DIAPH3: variants seen among roughly 807,000 people sequenced by gnomAD.
DIAPH3 encodes diaphanous related formin 3.
DIAPH3 carries 117 observed loss-of-function variants against 144.3 expected under a neutral mutation model. The ratio of observed to expected loss-of-function variants is 0.81; its 90% CI spans 0.70 to 0.95. The LOEUF is 0.95. Ranked by LOEUF, DIAPH3 falls within the 40% of genes least tolerant of loss-of-function variation. The pLI, the probability that DIAPH3 is intolerant of heterozygous loss-of-function variation, is 0.00. For missense variants in DIAPH3, 1,421 were observed against 1,412.7 expected (o/e 1.01, Z -0.09); for synonymous variants, 519 against 488.9 (o/e 1.06, Z -0.81).
At chr13:60,099,690 A>G (rs2058209653) in intron 3 of DIAPH3, among the ~76,000 whole-genome samples, 1 of 152,182 alleles carries the variant, frequency 6.6e-6, no homozygotes, top group Non-Finnish European at 1.5e-5. Flanking sequence ...CCGAGTTGCA[A>G]CAGCAAAAAA....
chr13:60,031,988 G>A (rs1357206792), intron 5 of DIAPH3, among the ~76,000 whole-genome samples: 4 of 151,952 alleles, frequency 2.6e-5, no homozygotes, highest in African/African-American at 7.2e-5. Context: ...ATGATCCACC[G>A]CCTTGGCCTT....
intron 27 of DIAPH3, among the ~76,000 whole-genome samples, chr13:59,705,945 G>C (rs1474869727): frequency 1.3e-5 from 2 of 151,356 alleles, no homozygotes; most frequent in Admixed American, 1.3e-4. Context: ...ATAATACTTT[G>C]GTTTTCCTCA....
rs1165739891 is a variant in DIAPH3 at position 60,031,732 on chromosome 13, CTTTTTTTTTTTT to C, written c.626+10946_626+10957del. Among the ~76,000 whole-genome samples the C allele has an allele frequency of 6.9e-3, 448 of 64,694 alleles. 13 individuals are homozygous for C. Among genetic ancestry groups the C allele is most frequent in the African/African-American group, 0.028 (432 of 15,176 alleles). 42.4% of individuals were successfully genotyped at this position (64,694 alleles called of 152,430 possible). A position where few individuals can be genotyped will look rare whatever the true frequency, so the allele number is the denominator to read the frequency against. On this transcript the variant is annotated intron_variant, in intron 5 of 27. Coordinates refer to ENST00000400324, the MANE Select transcript of DIAPH3 (RefSeq NM_001042517.2). ...AAACCCAGTAGGGCAGTCATTAAATCTTTTTTTTTTTTTTTTTTTTTTTTTTTTGAGATGGGG... is the reference window on the plus strand; with the variant it reads ...AAACCCAGTAGGGCAGTCATTAAATCTTTTTTTTTTTTTTTTGAGATGGGG...
chr13:59,871,717 G>A (rs1056242639), intron 21 of DIAPH3, among the ~76,000 whole-genome samples: 4 of 152,102 alleles, frequency 2.6e-5, no homozygotes, highest in African/African-American at 4.8e-5. Context: ...GAATTTACTG[G>A]TGAAACCATC....
At chr13:59,992,327 C>A (rs911691840) in intron 10 of DIAPH3, 141 bp from the exon 11 acceptor site, 2 of 1,006,448 alleles carry the variant, frequency 2.0e-6, no homozygotes, top group Non-Finnish European at 3.0e-6. Flanking sequence ...ACACTCGAAT[C>A]TTATCATCTA....
intron 27 of DIAPH3, among the ~76,000 whole-genome samples, chr13:59,765,449 C>T (rs1291328468): frequency 6.6e-6 from 1 of 152,204 alleles, no homozygotes; most frequent in East Asian, 1.9e-4. Context: ...GTCTTCCTAA[C>T]AGCCTATGAA....
chr13:59,741,098 A>C (rs2036418428), intron 27 of DIAPH3, among the ~76,000 whole-genome samples: 2 of 152,232 alleles, frequency 1.3e-5, no homozygotes, highest in African/African-American at 4.8e-5. Flanking sequence ...GTTACTCCTG[A>C]CAAGACAAAC....
At chr13:59,797,956 A>C (rs1370676960) in intron 25 of DIAPH3, among the ~76,000 whole-genome samples, 1 of 152,180 alleles carries the variant, frequency 6.6e-6, no homozygotes, top group African/African-American at 2.4e-5. Context: ...ACCCTATGCC[A>C]GGCCCATTCA....
chr13:59,794,212 T>C (rs975298007), intron 25 of DIAPH3, among the ~76,000 whole-genome samples: 4 of 152,180 alleles, frequency 2.6e-5, no homozygotes, highest in African/African-American at 9.7e-5. Flanking sequence ...ACTTAAAATA[T>C]TTCCAAATTA....
intron 21 of DIAPH3, among the ~76,000 whole-genome samples, chr13:59,875,803 A>C (rs1264534998): frequency 6.6e-6 from 1 of 152,128 alleles, no homozygotes; most frequent in Admixed American, 6.6e-5. Flanking sequence ...TGTCACATGA[A>C]ATCTTTGGGA....
intron 27 of DIAPH3, among the ~76,000 whole-genome samples, chr13:59,738,713 A>G (rs946904489): frequency 1.3e-5 from 2 of 152,226 alleles, no homozygotes; most frequent in African/African-American, 4.8e-5. Context: ...ACTCCTTCAC[A>G]TAACAGCTTG....
chr13:59,762,016 G>GAGAGAAC (rs879376771), intron 27 of DIAPH3, among the ~76,000 whole-genome samples: 1 of 146,522 alleles, frequency 6.8e-6, no homozygotes, highest in African/African-American at 2.5e-5. Context: ...AGAAGAGGGA[G>GAGAGAAC]AGAGAACAGA....
intron 15 of DIAPH3, 106 bp downstream of exon 15, chr13:59,974,246 C>T: frequency 1.1e-6 from 1 of 890,686 alleles, no homozygotes; most frequent in East Asian, 2.6e-5. Flanking sequence ...TAAAAATATA[C>T]AAGCAAAATT....
At chr13:60,161,349 GTCTCAAAGATCCC>G (rs1262397002) in intron 1 of DIAPH3, among the ~76,000 whole-genome samples, 1 of 152,160 alleles carries the variant, frequency 6.6e-6, no homozygotes, top group Non-Finnish European at 1.5e-5. Flanking sequence ...AACTTTGATG[GTCTCAAAGATCCC>G]TCTCCATCCA....
intron 27 of DIAPH3, among the ~76,000 whole-genome samples, chr13:59,733,685 C>T (rs1381431587): frequency 1.3e-5 from 2 of 152,112 alleles, no homozygotes; most frequent in African/African-American, 4.8e-5. Flanking sequence ...AAATAGTCAC[C>T]CCCAATCTCT....
Position 59,861,531 on chromosome 13 carries a change from C to T in DIAPH3, c.2613G>A (p.Lys871=). 1.9e-6 allele frequency: 3 copies of T among 1,613,544 alleles called. No homozygotes were observed. The highest frequency in any genetic ancestry group is 2.5e-6 in the Non-Finnish European group (3 of 1,179,788). ...GFNLSSLCKL[K]DTKSADQKTT... is the part of the protein sequence containing the mutation. ...TTTTCTGATCTGCTGATTTTGTGTC[C>T]TTTAGCTAAATAGAACAGGAGGGAG... The change falls in exon 22 of 28, where the codon AAG becomes AAA. Residue 871 remains lysine (K), a synonymous_variant. Transcript: ENST00000400324.
intron 24 of DIAPH3, among the ~76,000 whole-genome samples, chr13:59,824,735 G>A (rs1249666703): frequency 1.3e-5 from 2 of 152,122 alleles, no homozygotes; most frequent in African/African-American, 2.4e-5. Flanking sequence ...CCAATATAAT[G>A]CTTCTCCACT....
At chr13:59,668,698 A>G (rs962148499) in intron 27 of DIAPH3, among the ~76,000 whole-genome samples, 8 of 152,160 alleles carry the variant, frequency 5.3e-5, no homozygotes, top group African/African-American at 1.9e-4. Flanking sequence ...TTGAATACTA[A>G]TGACATTAAT....
At chr13:60,138,771 GAGA>G (rs1555383921) in intron 1 of DIAPH3, among the ~76,000 whole-genome samples, 2 of 90,632 alleles carry the variant, frequency 2.2e-5, no homozygotes, top group Non-Finnish European at 5.1e-5. Context: ...GAAGGAGAAG[GAGA>G]AGGAGAAGAA....
Sources: gnomAD v4.1 joint callset for allele counts (sites outside exome capture counted in the v4.1 genomes callset) on GRCh38, gnomAD v4.1.1 for gene constraint, MANE v1.5 for transcripts, NCBI Gene and HGNC (gene_info 2026-07-23, HGNC 2026-07-21) for gene names.